The following HELQ variants were observed in gnomAD, a reference collection of about 807,000 sequenced individuals.
The protein encoded by HELQ is helicase, POLQ like.
HELQ carries 77 observed loss-of-function variants against 111.6 expected under a neutral mutation model. The ratio of observed to expected loss-of-function variants is 0.69; its 90% confidence interval spans 0.57 to 0.83. The LOEUF (loss-of-function observed/expected upper bound fraction) is 0.83. HELQ is among the 40% of genes least tolerant of loss of function. The pLI is 0.00. For synonymous variants in HELQ, 438 were observed against 454.7 expected, an observed-to-expected ratio of 0.96 and a Z score of 0.47; for missense variants, 1,200 against 1,288.5, an observed-to-expected ratio of 0.93 and a Z score of 1.05.
intron 5 of HELQ, 56 bp from the exon 6 acceptor site, chr4:83,443,670 A>G: frequency 1.4e-6 from 1 of 698,956 alleles, no homozygotes; most frequent in South Asian, 2.0e-5. Context: ...TATTTAATAT[A>G]TCATAAAGTA....
chr4:83,414,022 G>A (rs1287593053), intron 17 of HELQ, among the ~76,000 whole-genome samples: 3 of 152,202 alleles, frequency 2.0e-5, no homozygotes, highest in African/African-American at 2.4e-5. Context: ...TAAGATGGCT[G>A]TTTTAAGCCA....
chr4:83,414,901 C>G (rs765178850), intron 17 of HELQ, among the ~76,000 whole-genome samples: 14 of 152,050 alleles, frequency 9.2e-5, no homozygotes, highest in Non-Finnish European at 2.1e-4. Flanking sequence ...CCTACCAACC[C>G]CAAGAACTCC....
At chr4:83,447,224 G>A (rs1426286487) in intron 3 of HELQ, among the ~76,000 whole-genome samples, 189 bp from the exon 4 acceptor site, 1 of 152,162 alleles carries the variant, frequency 6.6e-6, no homozygotes, top group Non-Finnish European at 1.5e-5. Context: ...GCACAGGCCT[G>A]TAGTCTCAGC....
At chr4:83,429,883 C>T (rs577649332) in intron 11 of HELQ, 137 bp from the exon 12 acceptor site, 184 of 535,626 alleles carry the variant, frequency 3.4e-4, no homozygotes, top group African/African-American at 3.2e-3. Flanking sequence ...TACACAGTTG[C>T]ATATATAAAT....
chr4:83,443,044 C>T (rs573233683), intron 6 of HELQ, among the ~76,000 whole-genome samples: 7 of 152,096 alleles, frequency 4.6e-5, no homozygotes, highest in Non-Finnish European at 8.8e-5. Context: ...TTTGGGAATG[C>T]TGCTGTTGAG....
intron 17 of HELQ, among the ~76,000 whole-genome samples, chr4:83,408,175 G>C (rs1738888916): frequency 6.6e-6 from 1 of 152,150 alleles, no homozygotes; most frequent in Non-Finnish European, 1.5e-5. Flanking sequence ...CTATAATACA[G>C]AGAATATCAA....
intron 12 of HELQ, among the ~76,000 whole-genome samples, chr4:83,428,270 C>T (rs909502315): frequency 2.0e-5 from 3 of 149,396 alleles, no homozygotes; most frequent in Non-Finnish European, 4.4e-5. Flanking sequence ...TGAAATGGGA[C>T]AGGAATATGG....
Position 83,418,110 on chromosome 4 carries a change from C to A in HELQ, c.3046G>T (p.Val1016Phe). Residue 1016 changes from valine to phenylalanine, a missense_variant, in exon 16 of 18, where the codon GTT becomes TTT. Physicochemically the swap from Val to Phe is conservative, Grantham distance 50. Around this residue, in one of 3 missense-constraint regions of HELQ, gnomAD observed 585 missense variants for 665.3 expected, o/e 0.88. Transcript: ENST00000295488. ...VKAELIPLME[V>F]TGVLEGRAKQ... ...CTACTGACCTCTAAAACTCCAGTAA[C>A]TTCCATGAGAGGGATTAATTCTGCC... is the stretch of plus-strand genomic sequence containing the variant. 6.3e-7 allele frequency: 1 copy of A among 1,597,234 alleles called. No individual in the cohort carries two copies. The highest frequency in any genetic ancestry group is 8.6e-7 in the Non-Finnish European group (1 of 1,169,516).
intron 2 of HELQ, among the ~76,000 whole-genome samples, chr4:83,451,467 C>A: frequency 6.6e-6 from 1 of 151,850 alleles, no homozygotes; most frequent in Non-Finnish European, 1.5e-5. Flanking sequence ...TCGAGACCAT[C>A]CTGGCTAACA....
intron 14 of HELQ, among the ~76,000 whole-genome samples, chr4:83,422,006 A>G (rs1215032829): frequency 6.6e-6 from 1 of 152,150 alleles, no homozygotes; most frequent in African/African-American, 2.4e-5. Flanking sequence ...GGATCACAAG[A>G]GCCCAGGAGT....
At chr4:83,412,330 A>C (rs1009549073) in intron 17 of HELQ, among the ~76,000 whole-genome samples, 13 of 152,232 alleles carry the variant, frequency 8.5e-5, no homozygotes, top group African/African-American at 2.9e-4. Flanking sequence ...GATTTAGAAT[A>C]CTGGATCTGA....
chr4:83,425,279 CA>C (rs11319573), intron 14 of HELQ, among the ~76,000 whole-genome samples: 18,412 of 70,182 alleles, frequency 0.26, 1,573 homozygotes, highest in African/African-American at 0.41. Context: ...GACTGCACCT[CA>C]AAAAAAAAAA....
At chr4:83,421,210 A>C (rs1739665669) in intron 15 of HELQ, among the ~76,000 whole-genome samples, 1 of 152,186 alleles carries the variant, frequency 6.6e-6, no homozygotes, top group African/African-American at 2.4e-5. Flanking sequence ...CATTTTTATT[A>C]CTCAGGTGAA....
chr4:83,446,776 A>T, intron 4 of HELQ, 59 bp downstream of exon 4: 1 of 1,042,440 alleles, frequency 9.6e-7, no homozygotes, highest in South Asian at 1.5e-5. Context: ...CACAATAACC[A>T]GAATAATAAA....
chr4:83,426,165 T>G, intron 13 of HELQ, 73 bp from the exon 14 acceptor site: 2 of 750,782 alleles, frequency 2.7e-6, no homozygotes, highest in East Asian at 2.5e-5. Context: ...GTATTTCTTT[T>G]GATATCACAT....
chr4:83,447,650 G>A, intron 3 of HELQ, among the ~76,000 whole-genome samples: 1 of 152,088 alleles, frequency 6.6e-6, no homozygotes, highest in South Asian at 2.1e-4. Context: ...CTTGAGGACA[G>A]GCGTTTGAGA....
chr4:83,455,185 T>C, intron 1 of HELQ: 1 of 979,616 alleles, frequency 1.0e-6, no homozygotes, highest in Non-Finnish European at 1.4e-6. Flanking sequence ...GTCATGCCAC[T>C]TAACTGCTGC....
At chr4:83,414,541 T>C (rs1218265924) in intron 17 of HELQ, among the ~76,000 whole-genome samples, 1 of 152,036 alleles carries the variant, frequency 6.6e-6, no homozygotes, top group African/African-American at 2.4e-5. Context: ...TGATGACAGG[T>C]CAAAAAGCCA....
chr4:83,449,904 A>G (rs1387243144), intron 2 of HELQ, among the ~76,000 whole-genome samples: 1 of 151,294 alleles, frequency 6.6e-6, no homozygotes, highest in Non-Finnish European at 1.5e-5. Context: ...CAAAATCCAG[A>G]GCTGACTAAT....
Sources: allele counts gnomAD v4.1 joint callset (sites outside exome capture counted in the v4.1 genomes callset), GRCh38; gene constraint gnomAD v4.1.1; regional missense constraint gnomAD v4.1.1; transcripts MANE v1.5; gene names NCBI Gene and HGNC (gene_info 2026-07-23, HGNC 2026-07-21).